NUBPL: variants seen among roughly 807,000 people sequenced by gnomAD.
NUBPL encodes NUBP iron-sulfur cluster assembly factor, mitochondrial.
NUBPL carries 31 observed loss-of-function variants against 45.7 expected under a neutral mutation model. The ratio of observed to expected loss-of-function variants is 0.68; its 90% CI spans 0.51 to 0.92. The LOEUF is 0.92. NUBPL is among the 40% of genes least tolerant of loss of function. The probability of loss-of-function intolerance (pLI) is 0.00; values close to 1 mark genes in which losing one functional copy is unlikely to be tolerated. For synonymous variants in NUBPL, 144 were observed against 140.9 expected (o/e 1.02, Z -0.15); for missense variants, 401 against 398.7 (o/e 1.01, Z -0.05).
In NUBPL at chr14:31,683,018, C is replaced by CTTTTT. The variant is rs34251298; in HGVS notation, c.513+9457_513+9461dup. On this transcript the variant is annotated intron_variant, in intron 6 of 10. Transcript: ENST00000281081. ...GAGGCGGGGAGGAGGTGCTAGGTTCCTTTTTTTTTTTTTTTTTGACAACGA... is the reference window on the plus strand; with the variant it reads ...GAGGCGGGGAGGAGGTGCTAGGTTCCTTTTTTTTTTTTTTTTTTTTTTGACAACGA... Among the ~76,000 whole-genome samples the CTTTTT allele has an allele frequency of 3.3e-4, 44 of 134,012 alleles. 1 individual carries two copies. Among genetic ancestry groups the CTTTTT allele is most frequent in the African/African-American group, 1.2e-3 (44 of 35,666 alleles). The allele number at this position is 134,012 out of a possible 152,430, so 87.9% of individuals were successfully genotyped here. A position where few individuals can be genotyped will look rare whatever the true frequency, so the allele number is the denominator to read the frequency against.
intron 7 of NUBPL, among the ~76,000 whole-genome samples, chr14:31,789,067 C>T (rs1469821688): frequency 6.6e-6 from 1 of 152,136 alleles, no homozygotes; most frequent in Non-Finnish European, 1.5e-5. Flanking sequence ...TGGCTCACGC[C>T]TGTAATCCCA....
chr14:31,834,927 A>G (rs2040257885), intron 8 of NUBPL, among the ~76,000 whole-genome samples: 1 of 152,168 alleles, frequency 6.6e-6, no homozygotes, highest in South Asian at 2.1e-4. Context: ...AGTACTGTGG[A>G]CATCATGGAC....
Position 31,719,130 on chromosome 14 carries a change from A to C in NUBPL, c.513+45556A>C, listed in dbSNP as rs1031654619. On this transcript the variant is annotated intron_variant, in intron 6 of 10. Transcript: ENST00000281081. The stretch of plus-strand genomic sequence containing the variant: ...CCAAAAAGTGCTGGCAACACAGCAC[A>C]CTAAAGAATATGTGTTGTTTACCCT... 6.6e-5 allele frequency among the ~76,000 whole-genome samples: 10 copies of C among 152,328 alleles called. No individual in the cohort carries two copies. In the South Asian group the frequency reaches 1.2e-3, roughly 19 times the overall value.
intron 6 of NUBPL, among the ~76,000 whole-genome samples, chr14:31,674,605 T>G (rs374049794): frequency 1.2e-4 from 19 of 152,300 alleles, no homozygotes; most frequent in African/African-American, 4.6e-4. Flanking sequence ...TTTGTCTTGA[T>G]TAACCCACCC....
intron 4 of NUBPL, among the ~76,000 whole-genome samples, chr14:31,648,093 T>C (rs149559034): frequency 3.7e-4 from 56 of 152,352 alleles, no homozygotes; most frequent in African/African-American, 1.3e-3. Flanking sequence ...TTTTCTGTTG[T>C]ATCTTTTCTG....
chr14:31,598,641 A>G (rs964265647), intron 3 of NUBPL, among the ~76,000 whole-genome samples: 2 of 152,214 alleles, frequency 1.3e-5, no homozygotes, highest in African/African-American at 4.8e-5. Context: ...CAGCAGCTGG[A>G]TGCATCATCA....
At chr14:31,637,463 A>G (rs1322914699) in intron 4 of NUBPL, among the ~76,000 whole-genome samples, 3 of 152,144 alleles carry the variant, frequency 2.0e-5, no homozygotes, top group African/African-American at 7.2e-5. Flanking sequence ...ACAGTTTGTT[A>G]TAATTTCTGT....
At chr14:31,807,142 T>C (rs2039705681) in intron 7 of NUBPL, among the ~76,000 whole-genome samples, 1 of 152,226 alleles carries the variant, frequency 6.6e-6, no homozygotes, top group African/African-American at 2.4e-5. Flanking sequence ...TACCCAGTAA[T>C]GGGATGGCTG....
intron 4 of NUBPL, among the ~76,000 whole-genome samples, chr14:31,601,144 T>G (rs1189485376): frequency 6.6e-6 from 1 of 152,246 alleles, no homozygotes; most frequent in African/African-American, 2.4e-5. Context: ...CCATGCTGTT[T>G]TGGTTACTGT....
chr14:31,771,979 C>T (rs778396991), intron 6 of NUBPL: 138 of 631,888 alleles, frequency 2.2e-4, no homozygotes, highest in Admixed American at 2.0e-3. Context: ...GCTCTAATAC[C>T]TTAACCACTG....
chr14:31,601,465 C>T (rs2034432290), intron 4 of NUBPL, among the ~76,000 whole-genome samples: 1 of 152,048 alleles, frequency 6.6e-6, no homozygotes, highest in South Asian at 2.1e-4. Context: ...TGAAGAGGTC[C>T]TTCACATCCC....
At chr14:31,811,463 C>G (rs932833770) in intron 7 of NUBPL, among the ~76,000 whole-genome samples, 20 of 152,196 alleles carry the variant, frequency 1.3e-4, no homozygotes, top group Non-Finnish European at 1.3e-4. Flanking sequence ...TGGTTTTCAG[C>G]TCCTTCAGGT....
chr14:31,724,699 C>G (rs2139958555), intron 6 of NUBPL, among the ~76,000 whole-genome samples: 1 of 152,282 alleles, frequency 6.6e-6, no homozygotes, highest in South Asian at 2.1e-4. Flanking sequence ...GTGTTAGTTA[C>G]TATGCTAGGG....
chr14:31,679,575 G>T (rs1475710077), intron 6 of NUBPL, among the ~76,000 whole-genome samples: 1 of 152,110 alleles, frequency 6.6e-6, no homozygotes, highest in Non-Finnish European at 1.5e-5. Flanking sequence ...AACCGTATGT[G>T]TATCATCTAT....
intron 6 of NUBPL, among the ~76,000 whole-genome samples, chr14:31,755,980 C>A (rs1460021777): frequency 6.6e-6 from 1 of 152,062 alleles, no homozygotes; most frequent in Non-Finnish European, 1.5e-5. Flanking sequence ...GCTTATTTTT[C>A]TCAGGTTTGT....
chr14:31,833,813 A>G (rs911119591), intron 8 of NUBPL, among the ~76,000 whole-genome samples: 5 of 152,216 alleles, frequency 3.3e-5, no homozygotes, highest in Non-Finnish European at 7.3e-5. Flanking sequence ...GGCCAGACCT[A>G]GATGTGATAC....
In NUBPL at chr14:31,702,114, A is replaced by G. The variant is rs540593798; in HGVS notation, c.513+28540A>G. ...ACTCACACTTATAGTTTATTACAGG[A>G]AAAGAGTACATATTAAAATCAGCCA... On this transcript the variant is annotated intron_variant, in intron 6 of 10. Transcript: ENST00000281081. 4.6e-5 allele frequency among the ~76,000 whole-genome samples: 7 copies of G among 152,280 alleles called. No individual in the cohort carries two copies. The South Asian group carries it at 1.5e-3, about 32-fold the overall frequency.
chr14:31,744,194 A>G (rs117753740), intron 6 of NUBPL, among the ~76,000 whole-genome samples: 49 of 152,334 alleles, frequency 3.2e-4, no homozygotes, highest in South Asian at 8.3e-4. Context: ...ATTTGAGGCT[A>G]AGTCACTCAG....
rs866436132 is a variant in NUBPL at position 31,634,302 on chromosome 14, T to C, written c.382+34923T>C. ...CCCTTCCTGTGTCCATGTGTTCTCATTGTTCAATTCCCACCTATGAGTGAG... is the reference window on the plus strand; with the variant it reads ...CCCTTCCTGTGTCCATGTGTTCTCACTGTTCAATTCCCACCTATGAGTGAG... On this transcript the variant is annotated intron_variant, in intron 4 of 10. Transcript: ENST00000281081. Among the ~76,000 whole-genome samples, 296 of 139,162 alleles carry C rather than the reference T, an allele frequency of 2.1e-3. 1 individual carries two copies. Among genetic ancestry groups the C allele is most frequent in the African/African-American group, 7.6e-3 (281 of 37,158 alleles). 91.3% of individuals were successfully genotyped at this position (139,162 alleles called of 152,430 possible).
Sources: allele counts gnomAD v4.1 joint callset (sites outside exome capture counted in the v4.1 genomes callset), GRCh38; gene constraint gnomAD v4.1.1; transcripts MANE v1.5; gene names NCBI Gene and HGNC (gene_info 2026-07-23, HGNC 2026-07-21).